ANK1: variants seen among roughly 807,000 people sequenced by gnomAD.
ANK1 encodes ankyrin-1.
Under a neutral mutation model 210.4 loss-of-function variants are expected in ANK1, and 51 were observed. The ratio of observed to expected loss-of-function variants is 0.24; its 90% CI spans 0.19 to 0.31. The LOEUF is 0.31. ANK1 is among the 10% of genes least tolerant of loss of function. The pLI is 1.00. For missense variants in ANK1, 2,051 were observed against 2,504.4 expected, an observed-to-expected ratio of 0.82 and a Z score of 3.86; for synonymous variants, 967 against 1,025.9, an observed-to-expected ratio of 0.94 and a Z score of 1.10.
At chr8:41,765,056 C>CCCTT (rs1026366941) in intron 1 of ANK1, among the ~76,000 whole-genome samples, 21 of 151,156 alleles carry the variant, frequency 1.4e-4, no homozygotes, top group Admixed American at 9.3e-4. Flanking sequence ...TCAATCATTT[C>CCCTT]CCTTCCTTCC....
At chr8:41,797,668 C>T, upstream of ANK1, 1 of 1,379,568 alleles carries the variant, frequency 7.2e-7, no homozygotes, top group Non-Finnish European at 9.5e-7. This position sits in a 1 kb window ranked among gnomAD's most constrained non-coding sequence, Gnocchi z 4.0. Flanking sequence ...GCCTTATCGG[C>T]CCCAGAGGCG....
chr8:41,832,899 G>A (rs901580665), intron 1 of ANK1, among the ~76,000 whole-genome samples: 42 of 152,304 alleles, frequency 2.8e-4, no homozygotes, highest in African/African-American at 9.4e-4. Context: ...AGTAACTGTA[G>A]ATCCATACAC....
At chr8:41,814,597 A>C (rs191762430) in intron 1 of ANK1, among the ~76,000 whole-genome samples, 1 of 152,318 alleles carries the variant, frequency 6.6e-6, no homozygotes, top group Non-Finnish European at 1.5e-5. Context: ...TTAAAGTAAA[A>C]CAATAAATGG....
Position 41,668,252 on chromosome 8 carries a change from C to G in ANK1, c.5394+15G>C, listed in dbSNP as rs779868704. 8 of 1,614,214 alleles carry G rather than the reference C, an allele frequency of 5.0e-6. No homozygotes were observed. The Middle Eastern group carries it at 6.6e-4, about 134-fold the overall frequency. On this transcript the variant is annotated intron_variant, in intron 39 of 42. Transcript: ENST00000289734. ...GGGAAGGAACAGCAGCACGCAGCTC[C>G]CCTCGGGCTCTCACCTGCACCACTT...
In ANK1 at chr8:41,701,490, T is replaced by C; in HGVS notation, c.2461+60A>G. ...AGCCGGCAGGTGGCAGGAAGCCCCCTTGGAGGGTGCCCGGAGCCCCTCTGT... is the reference window on the plus strand; with the variant it reads ...AGCCGGCAGGTGGCAGGAAGCCCCCCTGGAGGGTGCCCGGAGCCCCTCTGT... On this transcript the variant is annotated intron_variant, in intron 22 of 42. Coordinates refer to ENST00000289734, the MANE Select transcript of ANK1 (RefSeq NM_000037.4). 3 of 1,547,074 alleles carry C rather than the reference T, an allele frequency of 1.9e-6. No homozygotes were observed. In the South Asian group the frequency reaches 3.3e-5, roughly 17 times the overall value.
rs759412984 is a variant in ANK1, at chr8:41,715,775, G to A, written c.1479C>T (p.Asn493=). ...TNMVKLLLEN[N]ANPNLATTAG... ...CGGTGGTGGCCAGGTTGGGGTTGGC[G>A]TTATTTTCCAGCAGGAGCTTCACCA... Residue 493 remains asparagine (N), a synonymous_variant, in exon 14 of 43, where the codon AAC becomes AAT. Coordinates refer to ENST00000289734, the MANE Select transcript of ANK1 (RefSeq NM_000037.4). 13 of 1,614,252 alleles carry A rather than the reference G, an allele frequency of 8.1e-6. No individual in the cohort carries two copies. The highest frequency in any genetic ancestry group is 4.4e-5 in the South Asian group (4 of 91,084).
intron 1 of ANK1, among the ~76,000 whole-genome samples, chr8:41,825,716 T>A (rs1158575331): frequency 2.0e-5 from 3 of 152,186 alleles, no homozygotes; most frequent in Admixed American, 2.0e-4. Flanking sequence ...AATTCCCACA[T>A]GTTGTGGGAG....
At chr8:41,661,117 C>T (rs1422629788) in intron 42 of ANK1, 13 of 403,028 alleles carry the variant, frequency 3.2e-5, no homozygotes, top group Non-Finnish European at 6.1e-5. Context: ...CTAAAGCAAT[C>T]CTTTTGCCTC....
chr8:41,714,175 G>A lies in ANK1; in HGVS notation c.1781C>T (p.Ser594Phe). Residue 594 changes from serine (S) to phenylalanine (F), a missense_variant, in exon 16 of 43, where the codon TCC becomes TTC. Physicochemically the swap from Ser to Phe is radical, Grantham distance 155. Transcript: ENST00000289734. Reference sequence around the variant, plus strand: ...CCTTACCCAGGCAGGGCTGTGCGGGGAGCCGCCCCGGGGAAGCAGCAGCTT... The same window carrying A: ...CCTTACCCAGGCAGGGCTGTGCGGGAAGCCGCCCCGGGGAAGCAGCAGCTT... ...IVKLLLPRGG[S>F]PHSPAWNGYT... 3 of 1,448,238 alleles carry A rather than the reference G, an allele frequency of 2.1e-6. No homozygotes were observed. The highest frequency in any genetic ancestry group is 2.8e-6 in the Non-Finnish European group (3 of 1,084,142). The allele number at this position is 1,448,238 out of a possible 1,614,324, so 89.7% of individuals were successfully genotyped here.
Position 41,708,787 on chromosome 8 carries a change from C to T in ANK1, c.1989G>A (p.Leu663=), listed in dbSNP as rs769927509. ...AAGACACCATGCCTACCTTGTTCCC[C>T]AGGTTGCCATTGGCTTGTTTCGAGA... ...LLLSKQANGN[L]GNKSGLTPLH... The change falls in exon 17 of 43, where the codon CTG becomes CTA. Residue 663 remains leucine (L), a synonymous_variant. Transcript: ENST00000289734. 1.2e-6 allele frequency: 2 copies of T among 1,613,968 alleles called. No homozygotes were observed. Among genetic ancestry groups the T allele is most frequent in the East Asian group, 2.2e-5 (1 of 44,884 alleles).
upstream of ANK1, among the ~76,000 whole-genome samples, chr8:41,799,820 C>T (rs1849585783): frequency 6.6e-6 from 1 of 152,110 alleles, no homozygotes; most frequent in South Asian, 2.1e-4. Flanking sequence ...AAACCAACAC[C>T]CAGGTGAAAG....
chr8:41,849,367 T>C (rs1222403762), intron 1 of ANK1, among the ~76,000 whole-genome samples: 1 of 152,170 alleles, frequency 6.6e-6, no homozygotes, highest in African/African-American at 2.4e-5. Flanking sequence ...CTACTAAAAA[T>C]ACAAAAATTA....
intron 5 of ANK1, among the ~76,000 whole-genome samples, chr8:41,726,718 G>A (rs1830788005): frequency 6.6e-6 from 1 of 152,080 alleles, no homozygotes; most frequent in African/African-American, 2.4e-5. Flanking sequence ...CCTCAGTTGT[G>A]GACATACTAA....
At chr8:41,755,607 G>T (rs1456794477) in intron 2 of ANK1, among the ~76,000 whole-genome samples, 1 of 152,172 alleles carries the variant, frequency 6.6e-6, no homozygotes, top group Non-Finnish European at 1.5e-5. Flanking sequence ...CTGCCTATGG[G>T]GGGCTGGGGC....
intron 1 of ANK1, among the ~76,000 whole-genome samples, chr8:41,882,646 T>C (rs1419095309): frequency 6.6e-6 from 1 of 152,172 alleles, no homozygotes; most frequent in African/African-American, 2.4e-5. Context: ...ACCAAAAATA[T>C]CAAATTCACC....
At chr8:41,670,942 C>T (rs950983840) in intron 38 of ANK1, among the ~76,000 whole-genome samples, 6 of 152,210 alleles carry the variant, frequency 3.9e-5, no homozygotes, top group Non-Finnish European at 4.4e-5. Flanking sequence ...AGGAGGACAA[C>T]GTGAGCCCCA....
intron 1 of ANK1, among the ~76,000 whole-genome samples, chr8:41,849,298 C>T (rs1391735764): frequency 6.6e-6 from 1 of 152,218 alleles, no homozygotes; most frequent in Non-Finnish European, 1.5e-5. Flanking sequence ...CAACCTCATC[C>T]CATGGCAGCT....
At chr8:41,739,718 AC>A (rs1404484116) in intron 2 of ANK1, among the ~76,000 whole-genome samples, 1 of 151,782 alleles carries the variant, frequency 6.6e-6, no homozygotes, top group Admixed American at 6.6e-5. Flanking sequence ...TTTTGTTGTT[AC>A]TTTCAGTGCA....
chr8:41,774,538 C>T (rs1421347099), intron 1 of ANK1, among the ~76,000 whole-genome samples: 3 of 152,236 alleles, frequency 2.0e-5, no homozygotes, highest in Admixed American at 2.0e-4. Flanking sequence ...AAAGCCTCCA[C>T]ACCCCAACCT....
Sources: allele counts gnomAD v4.1 joint callset (sites outside exome capture counted in the v4.1 genomes callset), GRCh38; gene constraint gnomAD v4.1.1; non-coding constraint Gnocchi (gnomAD v3.1); transcripts MANE v1.5; gene names NCBI Gene and HGNC (gene_info 2026-07-23, HGNC 2026-07-21).